ANO1: variants seen among roughly 807,000 people sequenced by gnomAD.
ANO1 encodes anoctamin-1.
In ANO1, 59 loss-of-function variants were observed where a neutral mutation model predicts 124.0. The observed-to-expected ratio is 0.48, with a 90% CI of 0.39 to 0.59. ANO1 has a LOEUF of 0.59. Ranked by LOEUF, ANO1 falls within the 20% of genes least tolerant of loss-of-function variation. The pLI is 0.00. For synonymous variants in ANO1, 529 were observed against 532.0 expected (o/e 0.99, Z 0.08); for missense variants, 1,059 against 1,328.0 (o/e 0.80, Z 3.15).
Position 70,161,142 on chromosome 11 carries a change from G to T in ANO1, c.1579-19G>T. 1 of 1,608,256 alleles carries T rather than the reference G, an allele frequency of 6.2e-7. No individual in the cohort carries two copies. ...CCTGGGTGGGCCCCCAACCAAGAGT[G>T]CCCCTTTCCCCCCTGCAGATTGCAG... On this transcript the variant is annotated intron_variant, in intron 16 of 25. Transcript: ENST00000355303.
the ANO1 span, among the ~76,000 whole-genome samples, chr11:69,975,985 G>A: frequency 3.6e-4 from 55 of 152,282 alleles, no homozygotes; most frequent in Non-Finnish European, 6.8e-4. Context: ...CCTGGGGTGC[G>A]GGAAGGACTG....
rs545068845 is a variant in ANO1 at position 70,103,250 on chromosome 11, G to A, written c.540+86G>A. The A allele has an allele frequency of 7.1e-4, 771 of 1,085,370 alleles. 5 individuals carry two copies. The African/African-American group carries it at 0.012, about 17-fold the overall frequency. The allele number at this position is 1,085,370 out of a possible 1,614,324, so 67.2% of individuals were successfully genotyped here. ...TGGCAGTGAAACATGCCGACCTCGA[G>A]GCCCTGAGTTTTATAAAAAAAAAAC... On this transcript the variant is annotated intron_variant, in intron 3 of 25. Transcript: ENST00000355303.
intron 1 of ANO1, among the ~76,000 whole-genome samples, chr11:70,007,103 C>G (rs1289033089): frequency 6.6e-6 from 1 of 152,096 alleles, no homozygotes; most frequent in Non-Finnish European, 1.5e-5. Flanking sequence ...CCTCCCTGAG[C>G]CCCTGGCAAC....
At chr11:69,995,108 T>TG (rs1554998200) in intron 1 of ANO1, among the ~76,000 whole-genome samples, 2,777 of 147,168 alleles carry the variant, frequency 0.019, 53 homozygotes, top group Non-Finnish European at 0.025. Flanking sequence ...TTTTTTTTTT[T>TG]TTTTTTTTTG....
intron 9 of ANO1, among the ~76,000 whole-genome samples, chr11:70,124,996 C>A (rs1042401034): frequency 6.6e-6 from 1 of 152,242 alleles, no homozygotes; most frequent in Non-Finnish European, 1.5e-5. Flanking sequence ...AGGCCCACAG[C>A]CATCAGCATG....
intron 1 of ANO1, among the ~76,000 whole-genome samples, chr11:70,003,382 T>C (rs1856421150): frequency 6.6e-6 from 1 of 152,188 alleles, no homozygotes; most frequent in Non-Finnish European, 1.5e-5. Context: ...GTCCCACTGG[T>C]CTCAGGACAG....
intron 10 of ANO1, among the ~76,000 whole-genome samples, chr11:70,128,171 A>AC (rs1173573746): frequency 3.4e-5 from 2 of 58,152 alleles, no homozygotes; most frequent in Non-Finnish European, 7.4e-5. Flanking sequence ...CCCCACCCCC[A>AC]CCCCCGAATC....
At chr11:70,135,704 G>C (rs1225550320) in intron 11 of ANO1, among the ~76,000 whole-genome samples, 1 of 152,228 alleles carries the variant, frequency 6.6e-6, no homozygotes, top group Non-Finnish European at 1.5e-5. Flanking sequence ...CCAATTACAG[G>C]CATGCCCAGT....
At chr11:70,085,048 G>C (rs1030446432) in intron 1 of ANO1, among the ~76,000 whole-genome samples, 7 of 152,168 alleles carry the variant, frequency 4.6e-5, no homozygotes, top group Non-Finnish European at 8.8e-5. Flanking sequence ...TCCTACTAAG[G>C]GGGGCCGCAC....
intron 22 of ANO1, among the ~76,000 whole-genome samples, chr11:70,175,639 A>G (rs2048665243): frequency 6.6e-6 from 1 of 152,216 alleles, no homozygotes; most frequent in Non-Finnish European, 1.5e-5. Flanking sequence ...CTGGTGGGAA[A>G]GTGCAGCCTC....
intron 2 of ANO1, among the ~76,000 whole-genome samples, chr11:70,089,217 G>C (rs186905393): frequency 5.8e-4 from 88 of 152,332 alleles, no homozygotes; most frequent in African/African-American, 1.9e-3. Context: ...ATCGAAAACA[G>C]AAAAAGTTGT....
intron 11 of ANO1, chr11:70,141,486 A>C (rs936000070): frequency 2.0e-5 from 3 of 152,252 alleles, no homozygotes; most frequent in African/African-American, 7.2e-5. Context: ...AAATACAGTC[A>C]AGTACAAGTT....
intron 5 of ANO1, among the ~76,000 whole-genome samples, chr11:70,107,187 T>G (rs1344827486): frequency 1.3e-5 from 2 of 152,154 alleles, no homozygotes; most frequent in Non-Finnish European, 2.9e-5. Context: ...GGGCGATTCC[T>G]TCCTTCATTC....
intron 1 of ANO1, among the ~76,000 whole-genome samples, chr11:70,057,872 C>T (rs1184734854): frequency 2.0e-5 from 3 of 152,066 alleles, no homozygotes; most frequent in African/African-American, 7.2e-5. Flanking sequence ...CAAAACAAAA[C>T]AAAACAAAAC....
intron 22 of ANO1, among the ~76,000 whole-genome samples, chr11:70,173,268 G>C (rs543123655): frequency 2.2e-4 from 34 of 152,302 alleles, no homozygotes; most frequent in African/African-American, 8.2e-4. Context: ...GGAAACATTG[G>C]TGCTTTGTAG....
intron 7 of ANO1, among the ~76,000 whole-genome samples, chr11:70,115,130 T>C (rs1184376503): frequency 6.6e-6 from 1 of 151,908 alleles, no homozygotes; most frequent in Non-Finnish European, 1.5e-5. Flanking sequence ...TAGGAGGAAA[T>C]TGGTTAAACT....
At chr11:70,140,044 G>A (rs1179700833) in intron 11 of ANO1, among the ~76,000 whole-genome samples, 1 of 152,050 alleles carries the variant, frequency 6.6e-6, no homozygotes, top group Non-Finnish European at 1.5e-5. Flanking sequence ...CAGGCCCCGG[G>A]CTAAGGGCTC....
At chr11:69,976,379 C>T in the ANO1 span, among the ~76,000 whole-genome samples, 16 of 151,822 alleles carry the variant, frequency 1.1e-4, no homozygotes, top group East Asian at 1.9e-4. Flanking sequence ...CGGTGGTGGG[C>T]GCCTGTAGTC....
chr11:70,156,880 C>T (rs553634282), intron 15 of ANO1, 67 bp from the exon 16 acceptor site: 5 of 1,479,920 alleles, frequency 3.4e-6, no homozygotes, highest in African/African-American at 1.4e-5. Context: ...CATGCACCCA[C>T]GCTGACACAC....
Sources: gnomAD v4.1 joint callset for allele counts (sites outside exome capture counted in the v4.1 genomes callset) on GRCh38, gnomAD v4.1.1 for gene constraint, MANE v1.5 for transcripts, NCBI Gene and HGNC (gene_info 2026-07-23, HGNC 2026-07-21) for gene names.